The following KRT38 variants were observed in gnomAD, a reference collection of about 807,000 sequenced individuals.
KRT38 encodes keratin 38.
KRT38 carries 45 observed loss-of-function variants against 43.1 expected under a neutral mutation model. The ratio of observed to expected loss-of-function variants is 1.04; its 90% CI spans 0.82 to 1.34. The LOEUF is 1.34. Ranked by LOEUF, KRT38 falls within the 40% of genes most tolerant of loss-of-function variation. The probability of loss-of-function intolerance (pLI) is 0.00; values close to 1 mark genes in which losing one functional copy is unlikely to be tolerated. For synonymous variants in KRT38, 258 were observed against 244.0 expected, an observed-to-expected ratio of 1.06 and a Z score of -0.53; for missense variants, 627 against 586.2, an observed-to-expected ratio of 1.07 and a Z score of -0.72.
Position 41,440,232 on chromosome 17 carries a change from GC to G in KRT38, c.503del (p.Ser168ThrfsTer8). The G allele has an allele frequency of 6.2e-7, 1 of 1,614,184 alleles. No homozygotes were observed. Among genetic ancestry groups the G allele is most frequent in the Non-Finnish European group, 8.5e-7 (1 of 1,180,028 alleles). The part of the protein sequence containing the change: ...IEELQQKILC[S>X]KAENARLIVQ... ...CAATCAGCCTGGCATTCTCGGCCTT[GC>G]TGCACAGGATCTGAGGAGAACAGGA... On this transcript the variant is annotated frameshift_variant, in exon 2 of 7. Transcript: ENST00000246646. LOFTEE classifies it high-confidence loss of function.
intron 3 of KRT38, 101 bp downstream of exon 3, chr17:41,439,102 G>C (rs2071606): frequency 7.1e-7 from 1 of 1,416,656 alleles, no homozygotes; most frequent in Non-Finnish European, 9.5e-7. Context: ...CCTGCATCCT[G>C]ATGCCAGCTG....
In KRT38 at chr17:41,439,360, C is replaced by T. The variant is rs1052628915; in HGVS notation, c.576-1G>A. 4 of 1,613,550 alleles carry T rather than the reference C, an allele frequency of 2.5e-6. No homozygotes were observed. The highest frequency in any genetic ancestry group is 2.7e-5 in the African/African-American group (2 of 74,924). ...GCGCAGGGAGCGCTCACTCTCCAGC[C>T]TTTCATCACAGGAGGTACAGGGTCA... On this transcript the variant is annotated splice_acceptor_variant, in intron 2 of 6. Coordinates refer to ENST00000246646, the MANE Select transcript of KRT38 (RefSeq NM_006771.4). LOFTEE classifies it high-confidence loss of function.
chr17:41,439,557 G>GCACAATATA (rs1379251777), intron 2 of KRT38, among the ~76,000 whole-genome samples, 198 bp from the exon 3 acceptor site: 1 of 152,164 alleles, frequency 6.6e-6, no homozygotes, highest in African/African-American at 2.4e-5. Context: ...ACACTACATT[G>GCACAATATA]CACAATATAC....
chr17:41,440,230 T>G lies in KRT38; in HGVS notation c.506A>C (p.Lys169Thr). Residue 169 changes from lysine (K) to threonine (T), a missense_variant, in exon 2 of 7, where the codon AAG (lysine) becomes ACG (threonine). Transcript: ENST00000246646. ...TACAATCAGCCTGGCATTCTCGGCCTTGCTGCACAGGATCTGAGGAGAACA... is the reference window on the plus strand; with the variant it reads ...TACAATCAGCCTGGCATTCTCGGCCGTGCTGCACAGGATCTGAGGAGAACA... ...EELQQKILCS[K>T]AENARLIVQI... is the part of the protein sequence containing the mutation. 6.2e-7 allele frequency: 1 copy of G among 1,614,220 alleles called. No homozygotes were observed. The highest frequency in any genetic ancestry group is 8.5e-7 in the Non-Finnish European group (1 of 1,180,030).
chr17:41,439,837 G>C (rs1159484439), intron 2 of KRT38, among the ~76,000 whole-genome samples: 1 of 152,174 alleles, frequency 6.6e-6, no homozygotes, highest in Non-Finnish European at 1.5e-5. Flanking sequence ...TCATCTGTAA[G>C]TGACTCCTCT....
chr17:41,438,612 T>A lies in KRT38; in HGVS notation c.899A>T (p.Glu300Val). 6.2e-7 allele frequency: 1 copy of A among 1,614,046 alleles called. No individual in the cohort carries two copies. The highest frequency in any genetic ancestry group is 1.1e-5 in the South Asian group (1 of 91,080). Reference protein sequence around the residue: ...DVEQWFQAQSEGISLQDMSCS... With the variant: ...DVEQWFQAQSVGISLQDMSCS... ...GGACATGTCCTGCAGGCTGATGCCTTCAGACTGGAGCACAGAGAGACACGG... is the reference window on the plus strand; with the variant it reads ...GGACATGTCCTGCAGGCTGATGCCTACAGACTGGAGCACAGAGAGACACGG... Residue 300 changes from glutamate to valine, a missense_variant, in exon 5 of 7, where the codon GAA becomes GTA. Glu to Val is a moderately radical substitution (Grantham distance 121, BLOSUM62 -2). Coordinates refer to ENST00000246646, the MANE Select transcript of KRT38 (RefSeq NM_006771.4).
intron 3 of KRT38, 65 bp downstream of exon 3, chr17:41,439,138 G>A (rs9895184): frequency 0.29 from 449,059 of 1,542,836 alleles, 68,699 homozygotes; most frequent in South Asian, 0.36. Context: ...CTGAGAGCCC[G>A]GGGCTGGGGA....
At chr17:41,439,381 G>T in intron 2 of KRT38, 22 bp from the exon 3 acceptor site, 1 of 1,609,640 alleles carries the variant, frequency 6.2e-7, no homozygotes, top group Non-Finnish European at 8.5e-7. Flanking sequence ...GGAGGTACAG[G>T]GTCAAAAAGA....
Position 41,440,615 on chromosome 17 carries a change from G to A in KRT38, c.307C>T (p.His103Tyr). Residue 103 changes from histidine (H) to tyrosine (Y), a missense_variant, in exon 1 of 7, where the codon CAT (histidine) becomes TAT (tyrosine). Coordinates refer to ENST00000246646, the MANE Select transcript of KRT38 (RefSeq NM_006771.4). ...GAYGENTLNG[H>Y]EKETMQFLND... ...AGGAACTGCATGGTCTCCTTCTCAT[G>A]GCCATTCAGGGTGTTTTCACCATAG... The A allele has an allele frequency of 1.9e-6, 3 of 1,614,174 alleles. No homozygotes were observed. The highest frequency in any genetic ancestry group is 1.7e-6 in the Non-Finnish European group (2 of 1,180,038).
At position 41,440,767 on chromosome 17, in the gene KRT38, G is replaced by C. The variant is rs200153065; in HGVS notation, c.155C>G (p.Ala52Gly). Residue 52 changes from alanine (A) to glycine (G), a missense_variant, in exon 1 of 7, where the codon GCC becomes GGC. By Grantham distance (60) the Ala-to-Gly change is moderately conservative. Transcript: ENST00000246646. ...AGTGGACCCCACACGGACTCGGTTG[G>C]CATGTGCCACGTTGGCCAAAAGGCA... ...PMCLLANVAH[A>G]NRVRVGSTPL... The C allele has an allele frequency of 3.1e-6, 5 of 1,613,452 alleles. No individual in the cohort carries two copies. The highest frequency in any genetic ancestry group is 4.2e-6 in the Non-Finnish European group (5 of 1,179,674).
chr17:41,439,137 CG>C (rs2018766605), intron 3 of KRT38, 65 bp downstream of exon 3: 1 of 1,545,456 alleles, frequency 6.5e-7, no homozygotes, highest in Non-Finnish European at 8.7e-7. Flanking sequence ...TCTGAGAGCC[CG>C]GGGCTGGGGA....
intron 2 of KRT38, 108 bp from the exon 3 acceptor site, chr17:41,439,467 T>G: frequency 1.5e-6 from 2 of 1,293,526 alleles, no homozygotes; most frequent in Non-Finnish European, 2.1e-6. Context: ...TTATTCACTC[T>G]GTTTAGCCCT....
In KRT38 at chr17:41,437,381, C is replaced by T; in HGVS notation, c.*31G>A. On this transcript the variant is annotated 3_prime_UTR_variant, in exon 7 of 7. Coordinates refer to ENST00000246646, the MANE Select transcript of KRT38 (RefSeq NM_006771.4). Reference sequence around the variant, plus strand: ...AGCATCTCTCTTTGGGTATCCCTCGCCTTAGCCAGCCCCTGTGGGTCCACA... The same window carrying T: ...AGCATCTCTCTTTGGGTATCCCTCGTCTTAGCCAGCCCCTGTGGGTCCACA... 1 of 1,512,736 alleles carries T rather than the reference C, an allele frequency of 6.6e-7. No homozygotes were observed. The highest frequency in any genetic ancestry group is 1.3e-5 in the South Asian group (1 of 76,068). 93.7% of individuals were successfully genotyped at this position (1,512,736 alleles called of 1,614,324 possible).
rs1361665708 is a variant in KRT38 at position 41,438,829 on chromosome 17, C to T, written c.762G>A (p.Gly254=). ...QEVKILRSQL[G]EKLRIELDIE... is the part of the protein sequence containing the mutation. ...TGTCCAGCTCAATCCGGAGCTTCTC[C>T]CCCAGCTGACTCCTCAGAATCTTTA... is the stretch of plus-strand genomic sequence containing the variant. Residue 254 remains glycine (G), a synonymous_variant, in exon 4 of 7, where the codon GGG becomes GGA. Transcript: ENST00000246646. 2 of 1,614,042 alleles carry T rather than the reference C, an allele frequency of 1.2e-6. No homozygotes were observed. Among genetic ancestry groups the T allele is most frequent in the Non-Finnish European group, 1.7e-6 (2 of 1,180,018 alleles).
In KRT38 at chr17:41,440,762, G is replaced by A. The variant is rs372423871; in HGVS notation, c.160C>T (p.Arg54Ter). 2.8e-5 allele frequency: 45 copies of A among 1,613,662 alleles called. No individual in the cohort carries two copies. The highest frequency in any genetic ancestry group is 1.7e-4 in the Middle Eastern group (1 of 6,054). Reference protein sequence around the residue: ...CLLANVAHANRVRVGSTPLGR... With the variant: ...CLLANVAHAN ...AGGGGAGTGGACCCCACACGGACTCGGTTGGCATGTGCCACGTTGGCCAAA... is the reference window on the plus strand; with the variant it reads ...AGGGGAGTGGACCCCACACGGACTCAGTTGGCATGTGCCACGTTGGCCAAA... The change falls in exon 1 of 7, where the codon CGA (arginine) becomes TGA (stop). Residue 54 changes from arginine (R) to a stop codon, truncating the protein, a stop_gained. Coordinates refer to ENST00000246646, the MANE Select transcript of KRT38 (RefSeq NM_006771.4). LOFTEE classifies it high-confidence loss of function.
Position 41,437,109 on chromosome 17 carries a change from CA to C in KRT38, c.*302del, listed in dbSNP as rs2018733256. On this transcript the variant is annotated 3_prime_UTR_variant, in exon 7 of 7. Coordinates refer to ENST00000246646, the MANE Select transcript of KRT38 (RefSeq NM_006771.4). ...AGTTGGTGTTCTTGAAGTGCAAGTGCAATTTTAAATCATGCCGTGTTCCTAC... is the reference window on the plus strand; with the variant it reads ...AGTTGGTGTTCTTGAAGTGCAAGTGCATTTTAAATCATGCCGTGTTCCTAC... 1 of 279,864 alleles carries C rather than the reference CA, an allele frequency of 3.6e-6. No individual in the cohort carries two copies. Among genetic ancestry groups the C allele is most frequent in the South Asian group, 1.8e-4 (1 of 5,698 alleles). The allele number at this position is 279,864 out of a possible 1,614,324, so 17.3% of individuals were successfully genotyped here. A position where few individuals can be genotyped will look rare whatever the true frequency, so the allele number is the denominator to read the frequency against.
In KRT38 at chr17:41,436,580, G is replaced by T. The variant is rs2018728501; in HGVS notation, c.*832C>A. ...AAATCTCTACCCATTGAATCAATAGGTTTCAATACTTCAGGAGAAAGTACT... is the reference window on the plus strand; with the variant it reads ...AAATCTCTACCCATTGAATCAATAGTTTTCAATACTTCAGGAGAAAGTACT... On this transcript the variant is annotated 3_prime_UTR_variant, in exon 7 of 7. Coordinates refer to ENST00000246646, the MANE Select transcript of KRT38 (RefSeq NM_006771.4). The T allele has an allele frequency of 6.6e-6, 1 of 152,136 alleles. No homozygotes were observed. Among genetic ancestry groups the T allele is most frequent in the Non-Finnish European group, 1.5e-5 (1 of 68,040 alleles). The allele number at this position is 152,136 out of a possible 1,614,324, so 9.4% of individuals were successfully genotyped here. A position where few individuals can be genotyped will look rare whatever the true frequency, so the allele number is the denominator to read the frequency against.
rs753491415 is a variant in KRT38 at position 41,438,772 on chromosome 17, C to T, written c.819G>A (p.Leu273=). 6.2e-6 allele frequency: 10 copies of T among 1,614,180 alleles called. No homozygotes were observed. In the East Asian group the frequency reaches 8.9e-5, roughly 14 times the overall value. ...IEPTIDLNRV[L]GEMRAQYEAM... The stretch of plus-strand genomic sequence containing the variant: ...CCTCATACTGAGCCCGCATCTCCCC[C>T]AGCACCCTGTTCAGGTCAATGGTGG... Residue 273 remains leucine (L), a synonymous_variant, in exon 4 of 7, where the codon CTG becomes CTA. Coordinates refer to ENST00000246646, the MANE Select transcript of KRT38 (RefSeq NM_006771.4).
In KRT38 at chr17:41,440,804, T is replaced by C. The variant is rs201553313; in HGVS notation, c.118A>G (p.Ile40Val). 4.3e-6 allele frequency: 7 copies of C among 1,611,696 alleles called. No individual in the cohort carries two copies. Among genetic ancestry groups the C allele is most frequent in the Non-Finnish European group, 5.1e-6 (6 of 1,178,742 alleles). The change falls in exon 1 of 7, where the codon ATT becomes GTT. Residue 40 changes from isoleucine to valine, a missense_variant. Physicochemically the swap from Ile to Val is conservative, Grantham distance 29. Transcript: ENST00000246646. ...TTGGCCAAAAGGCACATGGGGGCAA[T>C]GTTGGCCTCTGCCCCAGGCTGGCAC... The part of the protein sequence containing the change: ...IGCQPGAEAN[I>V]APMCLLANVA...
Sources: allele counts gnomAD v4.1 joint callset (sites outside exome capture counted in the v4.1 genomes callset), GRCh38; gene constraint gnomAD v4.1.1; transcripts MANE v1.5; gene names NCBI Gene and HGNC (gene_info 2026-07-23, HGNC 2026-07-21).